The following NAV3 variants were observed in gnomAD, a reference collection of about 807,000 sequenced individuals.
The protein encoded by NAV3 is neuron navigator 3, also known as pore membrane and/or filament interacting like protein 1.
NAV3 carries 87 observed loss-of-function variants against 244.7 expected under a neutral mutation model. The observed-to-expected ratio is 0.36, with a 90% CI of 0.30 to 0.42. The LOEUF (loss-of-function observed/expected upper bound fraction) is 0.42, where lower values mean the gene tolerates loss of function less well. Among genes scored for constraint, NAV3 ranks in the 20% least tolerant of loss-of-function variants. The probability of loss-of-function intolerance (pLI) is 1.00; values close to 1 mark genes in which losing one functional copy is unlikely to be tolerated. For missense variants in NAV3, 2,663 were observed against 2,893.3 expected, an observed-to-expected ratio of 0.92 and a Z score of 1.83; for synonymous variants, 1,126 against 1,042.2, an observed-to-expected ratio of 1.08 and a Z score of -1.55.
At chr12:77,694,456 G>A (rs1378881241) in intron 2 of NAV3, among the ~76,000 whole-genome samples, 3 of 149,410 alleles carry the variant, frequency 2.0e-5, no homozygotes, top group African/African-American at 7.5e-5. Flanking sequence ...CTGGGCTACA[G>A]AGCAAACTCC....
At chr12:77,600,854 G>A (rs888243319) in intron 2 of NAV3, among the ~76,000 whole-genome samples, 2 of 151,866 alleles carry the variant, frequency 1.3e-5, no homozygotes, top group Non-Finnish European at 2.9e-5. Flanking sequence ...AAATTTATGG[G>A]TATTTTTACA....
chr12:77,821,526 T>A (rs1388618740), intron 2 of NAV3, among the ~76,000 whole-genome samples: 1 of 152,314 alleles, frequency 6.6e-6, no homozygotes, highest in South Asian at 2.1e-4. Context: ...AAATGTGCAG[T>A]ATTCCAAGTG....
At chr12:77,915,385 G>C (rs1887026326) in intron 1 of NAV3, among the ~76,000 whole-genome samples, 1 of 151,832 alleles carries the variant, frequency 6.6e-6, no homozygotes, top group African/African-American at 2.4e-5. Flanking sequence ...GTTTGTTTAG[G>C]GTTTCTCTGA....
At chr12:77,638,238 C>A (rs1182413662) in intron 2 of NAV3, among the ~76,000 whole-genome samples, 1 of 151,016 alleles carries the variant, frequency 6.6e-6, no homozygotes, top group Non-Finnish European at 1.5e-5. Flanking sequence ...AATGCAGTCT[C>A]ATTCTGGGAA....
At chr12:78,096,895 C>A (rs867173710) in intron 12 of NAV3, among the ~76,000 whole-genome samples, 2 of 152,190 alleles carry the variant, frequency 1.3e-5, no homozygotes, top group African/African-American at 4.8e-5. Flanking sequence ...GACTCAGTGA[C>A]CTCTCTCTGC....
Position 78,050,687 on chromosome 12 carries a change from C to A in NAV3, c.2133-77C>A, listed in dbSNP as rs994395917. 5 of 1,463,812 alleles carry A rather than the reference C, an allele frequency of 3.4e-6. No homozygotes were observed. The African/African-American group carries it at 4.2e-5, about 12-fold the overall frequency. 90.7% of individuals were successfully genotyped at this position (1,463,812 alleles called of 1,614,324 possible). A position where few individuals can be genotyped will look rare whatever the true frequency, so the allele number is the denominator to read the frequency against. On this transcript the variant is annotated intron_variant, in intron 10 of 39. Transcript: ENST00000397909. ...ATAAGAGATGACCCTCAACTCCAGC[C>A]TTTTCTGTCTTCATGCATTCTAGAT...
intron 2 of NAV3, among the ~76,000 whole-genome samples, chr12:77,819,013 G>A (rs950219252): frequency 8.0e-5 from 12 of 150,612 alleles, no homozygotes; most frequent in African/African-American, 2.9e-4. Context: ...CAGCAAATCT[G>A]ATGAACTTTA....
intron 39 of NAV3, among the ~76,000 whole-genome samples, chr12:78,209,950 C>T (rs1324556767): frequency 6.6e-6 from 1 of 152,168 alleles, no homozygotes; most frequent in Non-Finnish European, 1.5e-5. Flanking sequence ...CCTCTCCATA[C>T]CCTCCTTCTC....
chr12:78,092,496 T>TTTC (rs1170854733), intron 12 of NAV3, among the ~76,000 whole-genome samples: 1 of 132,274 alleles, frequency 7.6e-6, no homozygotes, highest in Non-Finnish European at 1.6e-5. Context: ...ATTTTCTTTT[T>TTTC]TTTTTTTTTT....
chr12:77,661,122 A>AATGC (rs1873424947), intron 2 of NAV3, among the ~76,000 whole-genome samples: 2 of 150,118 alleles, frequency 1.3e-5, no homozygotes, highest in African/African-American at 5.1e-5. Flanking sequence ...TGTTGACTAG[A>AATGC]ATGCTAAGTT....
chr12:77,881,129 T>C (rs910830721), intron 1 of NAV3, among the ~76,000 whole-genome samples: 42 of 152,198 alleles, frequency 2.8e-4, no homozygotes, highest in African/African-American at 9.6e-4. Context: ...ATGTGTACTT[T>C]CTTCTTTCCT....
At chr12:77,899,469 T>C (rs773820439) in intron 1 of NAV3, among the ~76,000 whole-genome samples, 1 of 152,204 alleles carries the variant, frequency 6.6e-6, no homozygotes, top group Non-Finnish European at 1.5e-5. Context: ...AAGATTACAA[T>C]TCCCTGAAGC....
At chr12:78,174,144 A>G (rs1958123255) in intron 24 of NAV3, among the ~76,000 whole-genome samples, 1 of 151,816 alleles carries the variant, frequency 6.6e-6, no homozygotes, top group Non-Finnish European at 1.5e-5. Flanking sequence ...GAAATGGACT[A>G]AAAGCAAATG....
In NAV3 at chr12:78,142,817, G is replaced by A. The variant is rs539141382; in HGVS notation, c.4683+2483G>A. Among the ~76,000 whole-genome samples the A allele has an allele frequency of 5.8e-4, 87 of 151,008 alleles. 1 individual carries two copies. The highest frequency in any genetic ancestry group is 1.3e-3 in the African/African-American group (53 of 41,272). ...TGAGTAAAGAATGGATTAGGTGATCGAGCCACATGAGAAGGTGATATTATT... is the reference window on the plus strand; with the variant it reads ...TGAGTAAAGAATGGATTAGGTGATCAAGCCACATGAGAAGGTGATATTATT... On this transcript the variant is annotated intron_variant, in intron 20 of 39. Coordinates refer to ENST00000397909, the MANE Select transcript of NAV3 (RefSeq NM_001024383.2).
chr12:78,178,836 G>A (rs185206840), intron 28 of NAV3, among the ~76,000 whole-genome samples: 2 of 152,016 alleles, frequency 1.3e-5, no homozygotes, highest in Admixed American at 6.6e-5. Flanking sequence ...AATTTCCTGC[G>A]AAGCTGTCCA....
At chr12:77,665,687 A>G (rs1013479004) in intron 2 of NAV3, among the ~76,000 whole-genome samples, 2 of 152,186 alleles carry the variant, frequency 1.3e-5, no homozygotes, top group African/African-American at 4.8e-5. Flanking sequence ...ATTCATTCTC[A>G]TAAAAACACT....
chr12:77,812,613 C>G (rs1872344293), intron 2 of NAV3, among the ~76,000 whole-genome samples: 3 of 151,756 alleles, frequency 2.0e-5, no homozygotes, highest in Non-Finnish European at 4.4e-5. Flanking sequence ...TGAGGTTTCA[C>G]CACACTGGCC....
chr12:77,578,930 C>T (rs1415222562), intron 2 of NAV3, among the ~76,000 whole-genome samples: 2 of 151,652 alleles, frequency 1.3e-5, no homozygotes, highest in Non-Finnish European at 2.9e-5. Context: ...AATTAGGAGA[C>T]ATTTATTGAA....
rs569724534 is a variant in NAV3, at chr12:77,879,227, A to T, written c.243+47523A>T. Among the ~76,000 whole-genome samples, 50 of 152,312 alleles carry T rather than the reference A, an allele frequency of 3.3e-4. No homozygotes were observed. In the South Asian group the frequency reaches 3.7e-3, roughly 11 times the overall value. On this transcript the variant is annotated intron_variant, in intron 1 of 39. Coordinates refer to ENST00000397909, the MANE Select transcript of NAV3 (RefSeq NM_001024383.2). The stretch of plus-strand genomic sequence containing the variant: ...GTCTCCTGTACATCTGCATTGAACC[A>T]TGCGATTTTAGAGCAGCAAGTTGTT...
Sources: allele counts gnomAD v4.1 joint callset (sites outside exome capture counted in the v4.1 genomes callset), GRCh38; gene constraint gnomAD v4.1.1; transcripts MANE v1.5; gene names NCBI Gene and HGNC (gene_info 2026-07-23, HGNC 2026-07-21).